Variants in ZDHHC13 observed in about 807,000 individuals in gnomAD.
ZDHHC13 encodes the protein zDHHC palmitoyltransferase 13, also known as palmitoyltransferase ZDHHC13.
Under a neutral mutation model 86.0 loss-of-function variants are expected in ZDHHC13, and 85 were observed. The ratio of observed to expected loss-of-function variants is 0.99; its 90% CI spans 0.83 to 1.18. The LOEUF (loss-of-function observed/expected upper bound fraction) is 1.18. Ranked by LOEUF, ZDHHC13 falls within the 50% of genes most tolerant of loss-of-function variation. ZDHHC13 has a pLI of 0.00. For synonymous variants in ZDHHC13, 263 were observed against 246.4 expected, an observed-to-expected ratio of 1.07 and a Z score of -0.63; for missense variants, 711 against 730.2, an observed-to-expected ratio of 0.97 and a Z score of 0.30.
intron 10 of ZDHHC13, among the ~76,000 whole-genome samples, chr11:19,160,907 C>T (rs953664356): frequency 4.6e-5 from 7 of 151,794 alleles, no homozygotes; most frequent in Non-Finnish European, 1.5e-5. Flanking sequence ...CAAAAGAGAA[C>T]TGATTTCCAT....
intron 1 of ZDHHC13, among the ~76,000 whole-genome samples, chr11:19,130,297 A>C (rs780909834): frequency 2.6e-5 from 4 of 152,182 alleles, no homozygotes; most frequent in Non-Finnish European, 5.9e-5. Flanking sequence ...TGTGTCTTTT[A>C]AGGTGTTTGT....
intron 1 of ZDHHC13, among the ~76,000 whole-genome samples, chr11:19,140,491 T>G (rs1022755806): frequency 6.6e-6 from 1 of 152,172 alleles, no homozygotes; most frequent in South Asian, 2.1e-4. Context: ...GTTCAACCAT[T>G]GTGGAAGTCA....
chr11:19,159,155 T>C (rs1849840180), intron 10 of ZDHHC13, 115 bp downstream of exon 10: 1 of 660,408 alleles, frequency 1.5e-6, no homozygotes, highest in Non-Finnish European at 2.5e-6. Context: ...TATATTTGCA[T>C]TCATTTAATG....
intron 1 of ZDHHC13, among the ~76,000 whole-genome samples, chr11:19,137,549 G>T (rs1320612895): frequency 1.3e-5 from 2 of 151,714 alleles, no homozygotes; most frequent in Non-Finnish European, 2.9e-5. Context: ...ATTGAACTCA[G>T]CTCTGCACCA....
rs1849365291 is a variant in ZDHHC13 at position 19,143,030 on chromosome 11, T to C, written c.80T>C (p.Ile27Thr). Residue 27 changes from isoleucine (I) to threonine (T), a missense_variant, in exon 2 of 17, where the codon ATC becomes ACC. Coordinates refer to ENST00000446113, the MANE Select transcript of ZDHHC13 (RefSeq NM_019028.3). ...PHPPGFGRYG[I>T]CAHENKELAN... ...CCTCCAGGATTTGGTCGATATGGCATCTGTGCACATGAAAACAAAGAACTT... is the reference window on the plus strand; with the variant it reads ...CCTCCAGGATTTGGTCGATATGGCACCTGTGCACATGAAAACAAAGAACTT... 1 of 1,612,678 alleles carries C rather than the reference T, an allele frequency of 6.2e-7. No homozygotes were observed. Among genetic ancestry groups the C allele is most frequent in the African/African-American group, 1.3e-5 (1 of 75,026 alleles).
chr11:19,146,663 G>T (rs1849476221), intron 3 of ZDHHC13, among the ~76,000 whole-genome samples: 1 of 152,132 alleles, frequency 6.6e-6, no homozygotes, highest in African/African-American at 2.4e-5. Flanking sequence ...ATACCACGAA[G>T]AATAGATAGG....
chr11:19,164,250 A>G (rs1849992716), intron 11 of ZDHHC13, 51 bp from the exon 12 acceptor site: 9 of 1,579,100 alleles, frequency 5.7e-6, no homozygotes, highest in Non-Finnish European at 7.8e-6. Context: ...AACCATGCAT[A>G]ATACATTTTC....
At chr11:19,145,460 T>G (rs1185296718) in intron 2 of ZDHHC13, among the ~76,000 whole-genome samples, 10 of 152,320 alleles carry the variant, frequency 6.6e-5, no homozygotes, top group Middle Eastern at 3.4e-3. Context: ...TTTATTGGTT[T>G]CCCATTGAAC....
intron 1 of ZDHHC13, among the ~76,000 whole-genome samples, chr11:19,119,283 T>C (rs942935852): frequency 6.6e-6 from 1 of 152,112 alleles, no homozygotes; most frequent in African/African-American, 2.4e-5. Flanking sequence ...GCTAATTTTT[T>C]GTATAGTAAG....
chr11:19,147,638 A>G lies in ZDHHC13; in HGVS notation c.339A>G (p.Gly113=). 3.7e-6 allele frequency: 6 copies of G among 1,602,982 alleles called. No individual in the cohort carries two copies. The highest frequency in any genetic ancestry group is 5.1e-6 in the Non-Finnish European group (6 of 1,174,170). Residue 113 remains glycine (G), a synonymous_variant, in exon 4 of 17, where the codon GGA becomes GGG. Transcript: ENST00000446113. The stretch of plus-strand genomic sequence containing the variant: ...GTGCTGTTGTAGATCAGTTGGGTGG[A>G]GATTTAAATTCAACTCCTCTTCACT... The part of the protein sequence containing the change: ...SKGAVVDQLG[G]DLNSTPLHWA...
In ZDHHC13 at chr11:19,126,502, ATTTTTTTT is replaced by A. The variant is rs754405966; in HGVS notation, c.27+9246_27+9253del. The stretch of plus-strand genomic sequence containing the variant: ...TAGGCACATACCACCACCCTGGCTA[ATTTTTTTT>A]TTTTTTTTTTTTTTTTTTTAGTAGA... On this transcript the variant is annotated intron_variant, in intron 1 of 16. Transcript: ENST00000446113. Among the ~76,000 whole-genome samples, 11 of 95,122 alleles carry A rather than the reference ATTTTTTTT, an allele frequency of 1.2e-4. No individual in the cohort carries two copies. In the East Asian group the frequency reaches 1.8e-3, roughly 15 times the overall value. 62.4% of individuals were successfully genotyped at this position (95,122 alleles called of 152,430 possible).
intron 10 of ZDHHC13, 34 bp from the exon 11 acceptor site, chr11:19,163,269 G>A (rs1391544918): frequency 6.5e-7 from 1 of 1,549,560 alleles, no homozygotes; most frequent in South Asian, 1.2e-5. Context: ...TATTTTTAAA[G>A]GAAGTTTGGT....
rs1354935264 is a variant in ZDHHC13, at chr11:19,149,317, A to G, written c.505A>G (p.Ile169Val). The part of the protein sequence containing the change: ...FQHMPIIAYL[I>V]SKGQSVNMTD... ...ACACATGCCTATTATAGCATATCTCATCTCAAAGGGACAGGTATGTTCTGA... is the reference window on the plus strand; with the variant it reads ...ACACATGCCTATTATAGCATATCTCGTCTCAAAGGGACAGGTATGTTCTGA... Residue 169 changes from isoleucine (I) to valine (V), a missense_variant, in exon 5 of 17, where the codon ATC (isoleucine) becomes GTC (valine). Coordinates refer to ENST00000446113, the MANE Select transcript of ZDHHC13 (RefSeq NM_019028.3). 1.3e-6 allele frequency: 2 copies of G among 1,597,234 alleles called. No homozygotes were observed. Among genetic ancestry groups the G allele is most frequent in the Non-Finnish European group, 1.7e-6 (2 of 1,169,844 alleles).
intron 1 of ZDHHC13, among the ~76,000 whole-genome samples, chr11:19,119,283 TGTATAGTAAGATGGG>T (rs1277712120): frequency 6.6e-6 from 1 of 152,112 alleles, no homozygotes; most frequent in Non-Finnish European, 1.5e-5. Flanking sequence ...GCTAATTTTT[TGTATAGTAAGATGGG>T]GTTTCACCAT....
chr11:19,124,095 C>T (rs1848816468), intron 1 of ZDHHC13, among the ~76,000 whole-genome samples: 1 of 152,032 alleles, frequency 6.6e-6, no homozygotes, highest in South Asian at 2.1e-4. Flanking sequence ...ATATGAAAGG[C>T]TGAAATCAAC....
At position 19,117,314 on chromosome 11, in the gene ZDHHC13, G is replaced by C. The variant is rs1848665980; in HGVS notation, c.27+38G>C. 6.9e-7 allele frequency: 1 copy of C among 1,444,406 alleles called. No homozygotes were observed. The highest frequency in any genetic ancestry group is 1.5e-5 in the African/African-American group (1 of 68,182). 89.5% of individuals were successfully genotyped at this position (1,444,406 alleles called of 1,614,324 possible). ...GGGCGGTGGCTGTCCTGGGGGCCGG[G>C]AGAGCGGCTGCAGCTGTGGAGGAAA... On this transcript the variant is annotated intron_variant, in intron 1 of 16. Coordinates refer to ENST00000446113, the MANE Select transcript of ZDHHC13 (RefSeq NM_019028.3). This position sits in a 1 kb window ranked among gnomAD's most constrained non-coding sequence, Gnocchi z 4.2.
At chr11:19,167,411 ATT>A (rs1342445084) in intron 14 of ZDHHC13, 1 of 152,116 alleles carries the variant, frequency 6.6e-6, no homozygotes, top group East Asian at 1.9e-4. Flanking sequence ...TTAGTTTAAA[ATT>A]TTTGTTAGTT....
intron 16 of ZDHHC13, among the ~76,000 whole-genome samples, chr11:19,175,525 A>G (rs1341513391): frequency 6.6e-6 from 1 of 151,892 alleles, no homozygotes; most frequent in African/African-American, 2.4e-5. Flanking sequence ...AAAGAAACTT[A>G]TTGATGTCAG....
intron 1 of ZDHHC13, among the ~76,000 whole-genome samples, chr11:19,128,654 A>C (rs963578618): frequency 6.6e-6 from 1 of 152,226 alleles, no homozygotes; most frequent in Non-Finnish European, 1.5e-5. Context: ...ACATTATTTC[A>C]AATGTCTTCA....
Sources: gnomAD v4.1 joint callset for allele counts (sites outside exome capture counted in the v4.1 genomes callset) on GRCh38, gnomAD v4.1.1 for gene constraint, Gnocchi (gnomAD v3.1) non-coding constraint, MANE v1.5 for transcripts, NCBI Gene and HGNC (gene_info 2026-07-23, HGNC 2026-07-21) for gene names.